CSMD1: variants seen among roughly 807,000 people sequenced by gnomAD.
CSMD1 encodes CUB and sushi domain-containing protein 1.
A neutral mutation model predicts 417.5 loss-of-function variants in CSMD1; 213 were observed. That is an observed-to-expected ratio of 0.51 (90% CI 0.46 to 0.57). The LOEUF is 0.57. Ranked by LOEUF, CSMD1 falls within the 20% of genes least tolerant of loss-of-function variation. CSMD1 has a pLI of 0.00. For synonymous variants in CSMD1, 2,862 were observed against 1,736.8 expected, an observed-to-expected ratio of 1.65 and a Z score of -16.11; for missense variants, 6,923 against 4,529.7, an observed-to-expected ratio of 1.53 and a Z score of -15.17.
intron 5 of CSMD1, among the ~76,000 whole-genome samples, chr8:3,942,779 C>G (rs770638643): frequency 1.3e-5 from 2 of 152,208 alleles, no homozygotes; most frequent in Non-Finnish European, 2.9e-5. Context: ...GTTATTTAAA[C>G]AGTTACTGGG....
chr8:3,460,613 T>C (rs567428441), intron 12 of CSMD1, among the ~76,000 whole-genome samples: 3 of 152,010 alleles, frequency 2.0e-5, no homozygotes, highest in African/African-American at 7.2e-5. Context: ...AGAATGAAGA[T>C]AAACAGGAGG....
chr8:4,067,178 A>G (rs1326360039), intron 3 of CSMD1, among the ~76,000 whole-genome samples: 1 of 152,254 alleles, frequency 6.6e-6, no homozygotes, highest in Non-Finnish European at 1.5e-5. Context: ...ACTGGGTGAA[A>G]GGCTATCCTC....
chr8:4,013,357 T>C (rs1008978891), intron 4 of CSMD1, among the ~76,000 whole-genome samples: 1 of 152,140 alleles, frequency 6.6e-6, no homozygotes, highest in Non-Finnish European at 1.5e-5. Context: ...ACCTGGTTGA[T>C]CCCTCTGTCA....
intron 7 of CSMD1, among the ~76,000 whole-genome samples, chr8:3,628,651 C>A (rs781378701): frequency 6.6e-6 from 1 of 152,020 alleles, no homozygotes; most frequent in African/African-American, 2.4e-5. Flanking sequence ...GAGGGGAGGG[C>A]ATGGGCATCC....
At chr8:3,991,892 A>T (rs1282371612) in intron 5 of CSMD1, among the ~76,000 whole-genome samples, 1 of 152,184 alleles carries the variant, frequency 6.6e-6, no homozygotes, top group East Asian at 1.9e-4. Context: ...TGGGAATAGT[A>T]GTATCTCCAA....
At chr8:3,566,179 G>C (rs1427179421) in intron 10 of CSMD1, among the ~76,000 whole-genome samples, 1 of 151,970 alleles carries the variant, frequency 6.6e-6, no homozygotes, top group Non-Finnish European at 1.5e-5. Context: ...GAGGAGAAAG[G>C]AAAGGGGAGA....
chr8:4,766,169 T>C (rs1585064951), intron 1 of CSMD1, among the ~76,000 whole-genome samples: 1 of 152,208 alleles, frequency 6.6e-6, no homozygotes, highest in Non-Finnish European at 1.5e-5. Flanking sequence ...CCTGTAGACC[T>C]GATGCATTTT....
intron 1 of CSMD1, among the ~76,000 whole-genome samples, chr8:4,749,605 T>A (rs1388502642): frequency 6.6e-6 from 1 of 152,242 alleles, no homozygotes; most frequent in African/African-American, 2.4e-5. Context: ...AGGATAATTA[T>A]CTGTTCTTGG....
At chr8:3,251,765 G>T (rs1800284526) in intron 26 of CSMD1, among the ~76,000 whole-genome samples, 1 of 152,094 alleles carries the variant, frequency 6.6e-6, no homozygotes, top group Non-Finnish European at 1.5e-5. Context: ...AGTTCTCCTT[G>T]AAGAGGTCCT....
chr8:3,141,893 G>T (rs1271468241), intron 41 of CSMD1, among the ~76,000 whole-genome samples: 1 of 151,404 alleles, frequency 6.6e-6, no homozygotes, highest in East Asian at 1.9e-4. Flanking sequence ...CGCCTCCCGG[G>T]TTCACGCCAC....
At position 4,880,694 on chromosome 8, in the gene CSMD1, C is replaced by T. The variant is rs190727645; in HGVS notation, c.85+113638G>A. Among the ~76,000 whole-genome samples the T allele has an allele frequency of 1.1e-3, 172 of 152,132 alleles. 3 individuals carry two copies. The highest frequency in any genetic ancestry group is 3.9e-3 in the African/African-American group (163 of 41,448). ...GAGAGACTTTTCTGCCGTGCCTGTT[C>T]TGCCCATCGCATAATCATAAATATC... On this transcript the variant is annotated intron_variant, in intron 1 of 69. Transcript: ENST00000635120.
intron 9 of CSMD1, 111 bp from the exon 10 acceptor site, chr8:3,575,177 A>G: frequency 8.7e-7 from 1 of 1,154,342 alleles, no homozygotes; most frequent in Non-Finnish European, 1.2e-6. Context: ...CAGTAAAAAA[A>G]AAAAAAAAAA....
chr8:3,214,902 T>C (rs1563150364), intron 29 of CSMD1, among the ~76,000 whole-genome samples: 1 of 152,212 alleles, frequency 6.6e-6, no homozygotes, highest in Non-Finnish European at 1.5e-5. Flanking sequence ...AATAAAATTA[T>C]ATTTCCATTT....
chr8:2,966,499 A>T (rs1408223677), intron 58 of CSMD1, 71 bp downstream of exon 58: 2 of 1,412,634 alleles, frequency 1.4e-6, no homozygotes, highest in African/African-American at 2.9e-5. Flanking sequence ...AACACCTTAA[A>T]GTCATTTTTT....
chr8:3,994,135 T>C (rs1219433142), intron 5 of CSMD1, among the ~76,000 whole-genome samples: 1 of 152,168 alleles, frequency 6.6e-6, no homozygotes, highest in Non-Finnish European at 1.5e-5. Flanking sequence ...AATCGATGCA[T>C]TTATATTTGT....
intron 1 of CSMD1, among the ~76,000 whole-genome samples, chr8:4,878,020 C>A (rs1290876219): frequency 6.6e-6 from 1 of 152,116 alleles, no homozygotes; most frequent in East Asian, 1.9e-4. Context: ...CTGTCAGCAT[C>A]CCATCACCAC....
intron 12 of CSMD1, among the ~76,000 whole-genome samples, chr8:3,442,986 T>C (rs927638095): frequency 1.3e-5 from 2 of 152,210 alleles, no homozygotes; most frequent in African/African-American, 4.8e-5. Context: ...ATCATTAAAA[T>C]TGTCCTCTTT....
chr8:4,015,679 A>AC (rs1796487995), intron 4 of CSMD1, among the ~76,000 whole-genome samples: 1 of 151,392 alleles, frequency 6.6e-6, no homozygotes, highest in African/African-American at 2.4e-5. Context: ...AAAAAAAAAA[A>AC]AAAACTCAAG....
At chr8:4,045,763 A>T (rs1259800405) in intron 3 of CSMD1, among the ~76,000 whole-genome samples, 1 of 152,212 alleles carries the variant, frequency 6.6e-6, no homozygotes, top group Non-Finnish European at 1.5e-5. Context: ...AAACACAAAG[A>T]CTAAATTACA....
Sources: allele counts gnomAD v4.1 joint callset (sites outside exome capture counted in the v4.1 genomes callset), GRCh38; gene constraint gnomAD v4.1.1; transcripts MANE v1.5; gene names NCBI Gene and HGNC (gene_info 2026-07-23, HGNC 2026-07-21).